NR6A1: variants seen among roughly 807,000 people sequenced by gnomAD.
NR6A1 encodes nuclear receptor subfamily 6 group A member 1, also known as retinoic acid receptor-related testis-associated receptor.
Under a neutral mutation model 59.1 loss-of-function variants are expected in NR6A1, and 7 were observed. The observed-to-expected ratio is 0.12, with a 90% CI of 0.07 to 0.22. The LOEUF (loss-of-function observed/expected upper bound fraction) is 0.22, where lower values mean the gene tolerates loss of function less well. NR6A1 is among the 10% of genes least tolerant of loss of function. The probability of loss-of-function intolerance (pLI) is 1.00; values close to 1 mark genes in which losing one functional copy is unlikely to be tolerated. For missense variants in NR6A1, 468 were observed against 611.6 expected, an observed-to-expected ratio of 0.77 and a Z score of 2.48; for synonymous variants, 243 against 236.1, an observed-to-expected ratio of 1.03 and a Z score of -0.27.
chr9:124,645,421 C>T (rs549912018), intron 2 of NR6A1, among the ~76,000 whole-genome samples: 1 of 152,194 alleles, frequency 6.6e-6, no homozygotes, highest in Admixed American at 6.5e-5. Context: ...TAGAAAGACA[C>T]ATAAAGAATA....
chr9:124,749,557 AT>A (rs544073664), intron 1 of NR6A1, among the ~76,000 whole-genome samples: 35 of 149,396 alleles, frequency 2.3e-4, no homozygotes, highest in African/African-American at 5.9e-4. Flanking sequence ...TAAATACGGT[AT>A]TTTTTTTTTA....
At chr9:124,727,716 G>A (rs549278578) in intron 2 of NR6A1, among the ~76,000 whole-genome samples, 5 of 152,096 alleles carry the variant, frequency 3.3e-5, no homozygotes, top group Admixed American at 6.5e-5. Context: ...ACAGGGTCTC[G>A]CTCTGTCACC....
In NR6A1 at chr9:124,590,061, C is replaced by CAAAAAAAAAAAAAAA. The variant is rs71372976; in HGVS notation, c.143-35506_143-35492dup. On this transcript the variant is annotated intron_variant, in intron 2 of 9. Transcript: ENST00000487099. ...GCCTGGTGACAGAGCAAGACTCTGTCAAAAAAAAAAAAAAAAAAAAAAAAA... is the reference window on the plus strand; with the variant it reads ...GCCTGGTGACAGAGCAAGACTCTGTCAAAAAAAAAAAAAAAAAAAAAAAAAAAAAAAAAAAAAAAA... Among the ~76,000 whole-genome samples, 14 of 30,892 alleles carry CAAAAAAAAAAAAAAA rather than the reference C, an allele frequency of 4.5e-4. 3 individuals carry two copies. Among genetic ancestry groups the CAAAAAAAAAAAAAAA allele is most frequent in the African/African-American group, 1.1e-3 (11 of 9,582 alleles). 20.3% of individuals were successfully genotyped at this position (30,892 alleles called of 152,430 possible). A position where few individuals can be genotyped will look rare whatever the true frequency, so the allele number is the denominator to read the frequency against.
chr9:124,549,429 G>A (rs1040365989), intron 3 of NR6A1, among the ~76,000 whole-genome samples: 1 of 152,192 alleles, frequency 6.6e-6, no homozygotes, highest in African/African-American at 2.4e-5. Context: ...ACTTTATCCC[G>A]AAGACTGCAA....
intron 2 of NR6A1, among the ~76,000 whole-genome samples, chr9:124,624,826 C>T (rs1836186562): frequency 6.6e-6 from 1 of 151,642 alleles, no homozygotes; most frequent in African/African-American, 2.4e-5. Flanking sequence ...TCACTGCCAA[C>T]AAAAATAACA....
intron 3 of NR6A1, among the ~76,000 whole-genome samples, chr9:124,544,746 G>C (rs982148241): frequency 6.6e-6 from 1 of 152,168 alleles, no homozygotes; most frequent in Non-Finnish European, 1.5e-5. Flanking sequence ...AGAGTAGCAT[G>C]AGATAAGGGT....
intron 2 of NR6A1, among the ~76,000 whole-genome samples, chr9:124,681,934 T>C (rs549804263): frequency 1.3e-5 from 2 of 152,332 alleles, no homozygotes; most frequent in East Asian, 3.9e-4. Flanking sequence ...GAAAAGTTCA[T>C]TGATACAGTT....
At chr9:124,749,772 ACT>A (rs1191597163) in intron 1 of NR6A1, among the ~76,000 whole-genome samples, 1 of 151,974 alleles carries the variant, frequency 6.6e-6, no homozygotes, top group African/African-American at 2.4e-5. Context: ...CTAAAATCAC[ACT>A]CTTACATAAC....
chr9:124,634,461 G>A (rs1290160340), intron 2 of NR6A1, among the ~76,000 whole-genome samples: 1 of 151,952 alleles, frequency 6.6e-6, no homozygotes, highest in East Asian at 1.9e-4. Context: ...TTTCTTCTCT[G>A]CCTACTTTTC....
intron 2 of NR6A1, among the ~76,000 whole-genome samples, chr9:124,600,806 T>C (rs142100515): frequency 2.6e-5 from 4 of 152,276 alleles, no homozygotes; most frequent in African/African-American, 9.6e-5. Context: ...GGCATTACAT[T>C]TGGGCTGAAC....
intron 2 of NR6A1, among the ~76,000 whole-genome samples, chr9:124,593,775 C>T (rs1304570401): frequency 6.6e-6 from 1 of 152,174 alleles, no homozygotes; most frequent in Non-Finnish European, 1.5e-5. Flanking sequence ...TTGAAGTGTG[C>T]ACAATGGCCT....
At chr9:124,524,927 T>C in intron 8 of NR6A1, 54 bp from the exon 9 acceptor site, 2 of 1,536,694 alleles carry the variant, frequency 1.3e-6, no homozygotes, top group Non-Finnish European at 1.7e-6. Flanking sequence ...ATGGGCATTC[T>C]AATGTGGAAG....
chr9:124,746,493 A>G (rs1840338964), intron 1 of NR6A1, among the ~76,000 whole-genome samples: 1 of 151,980 alleles, frequency 6.6e-6, no homozygotes, highest in Admixed American at 6.6e-5. Context: ...GTAGGCTGAG[A>G]CAGGAGAATC....
intron 4 of NR6A1, among the ~76,000 whole-genome samples, chr9:124,542,239 G>T (rs1160693177): frequency 6.6e-6 from 1 of 152,166 alleles, no homozygotes. Context: ...AAAAGAATTT[G>T]TAAGACATAT....
chr9:124,605,539 A>AC (rs1430871249), intron 2 of NR6A1, among the ~76,000 whole-genome samples: 70 of 152,172 alleles, frequency 4.6e-4, no homozygotes, highest in Admixed American at 2.8e-3. Flanking sequence ...AAACCCTCGC[A>AC]TCACTGCACT....
intron 2 of NR6A1, among the ~76,000 whole-genome samples, chr9:124,730,109 G>A (rs1839841541): frequency 6.6e-6 from 1 of 151,702 alleles, no homozygotes; most frequent in Non-Finnish European, 1.5e-5. Flanking sequence ...CACCACGCCT[G>A]GCCTAATTAT....
At chr9:124,719,820 T>C (rs940466221) in intron 2 of NR6A1, among the ~76,000 whole-genome samples, 7 of 151,870 alleles carry the variant, frequency 4.6e-5, no homozygotes, top group African/African-American at 1.7e-4. Context: ...CTCGGGAGAC[T>C]GAGGTGAGAA....
intron 2 of NR6A1, among the ~76,000 whole-genome samples, chr9:124,584,605 G>A (rs1306519012): frequency 6.6e-6 from 1 of 152,106 alleles, no homozygotes; most frequent in Non-Finnish European, 1.5e-5. Flanking sequence ...GTTAGTAATT[G>A]TTTGGGGGTG....
At chr9:124,748,456 T>C (rs1054733519) in intron 1 of NR6A1, among the ~76,000 whole-genome samples, 1 of 152,196 alleles carries the variant, frequency 6.6e-6, no homozygotes, top group Non-Finnish European at 1.5e-5. Context: ...TAGCCCCCAT[T>C]TTACAGAAAG....
Sources: allele counts gnomAD v4.1 joint callset (sites outside exome capture counted in the v4.1 genomes callset), GRCh38; gene constraint gnomAD v4.1.1; transcripts MANE v1.5; gene names NCBI Gene and HGNC (gene_info 2026-07-23, HGNC 2026-07-21).